Variants in ATG10 observed in about 807,000 individuals in gnomAD.
The protein encoded by ATG10 is autophagy related 10.
A neutral mutation model predicts 32.1 loss-of-function variants in ATG10; 30 were observed. The observed-to-expected ratio is 0.94, with a 90% CI of 0.70 to 1.27. The LOEUF (loss-of-function observed/expected upper bound fraction) is 1.27, where lower values mean the gene tolerates loss of function less well. ATG10 is among the 50% of genes most tolerant of loss of function. ATG10 has a pLI of 0.00. For missense variants in ATG10, 233 were observed against 262.3 expected (o/e 0.89, Z 0.77); for synonymous variants, 87 against 91.5 (o/e 0.95, Z 0.28).
intron 3 of ATG10, among the ~76,000 whole-genome samples, chr5:82,082,389 A>T (rs1764515341): frequency 6.6e-6 from 1 of 152,220 alleles, no homozygotes; most frequent in Non-Finnish European, 1.5e-5. Flanking sequence ...CTACTTTCTT[A>T]TATCTTCAAA....
intron 3 of ATG10, among the ~76,000 whole-genome samples, chr5:82,133,659 T>G (rs1032815283): frequency 2.6e-5 from 4 of 152,176 alleles, no homozygotes; most frequent in African/African-American, 9.6e-5. Flanking sequence ...GGTAGTGTGA[T>G]GCCTCCAGCT....
At chr5:82,188,096 TA>T (rs1464338183) in intron 5 of ATG10, among the ~76,000 whole-genome samples, 3 of 152,262 alleles carry the variant, frequency 2.0e-5, no homozygotes, top group Non-Finnish European at 2.9e-5. Context: ...ATTCCTATTG[TA>T]TTGATTTCTA....
At chr5:82,234,609 C>G (rs1197271090) in intron 5 of ATG10, among the ~76,000 whole-genome samples, 1 of 152,200 alleles carries the variant, frequency 6.6e-6, no homozygotes, top group East Asian at 1.9e-4. Flanking sequence ...AAATCAGGGA[C>G]TTTGAAATCA....
intron 2 of ATG10, among the ~76,000 whole-genome samples, chr5:81,988,869 A>T (rs1192920853): frequency 6.6e-6 from 1 of 151,464 alleles, no homozygotes; most frequent in Non-Finnish European, 1.5e-5. Context: ...TTGCTTTGTC[A>T]CCCAGGCTGG....
intron 3 of ATG10, among the ~76,000 whole-genome samples, chr5:82,069,449 A>C (rs535040316): frequency 6.6e-6 from 1 of 152,326 alleles, no homozygotes; most frequent in South Asian, 2.1e-4. Context: ...CTTTATTAAA[A>C]ATGCAGATGA....
chr5:82,252,340 A>G (rs1747286619), intron 5 of ATG10, among the ~76,000 whole-genome samples: 1 of 152,238 alleles, frequency 6.6e-6, no homozygotes, highest in Non-Finnish European at 1.5e-5. Flanking sequence ...GTGCCCTGCT[A>G]TACTCGACCA....
chr5:82,029,002 T>G (rs1762670821), intron 2 of ATG10, among the ~76,000 whole-genome samples: 1 of 152,218 alleles, frequency 6.6e-6, no homozygotes, highest in South Asian at 2.1e-4. Flanking sequence ...GAGCAACATT[T>G]GTATACGTAA....
intron 1 of ATG10, among the ~76,000 whole-genome samples, chr5:81,979,725 T>C (rs1760981023): frequency 6.6e-6 from 1 of 151,930 alleles, no homozygotes; most frequent in Non-Finnish European, 1.5e-5. Context: ...CTTTTTTTCT[T>C]TCTAGTCTTT....
intron 4 of ATG10, among the ~76,000 whole-genome samples, chr5:82,171,164 A>C (rs977783928): frequency 6.6e-6 from 1 of 152,074 alleles, no homozygotes; most frequent in Non-Finnish European, 1.5e-5. Context: ...TAAGTGATTC[A>C]CTTAATTTAA....
At chr5:82,218,501 T>C (rs1373888768) in intron 5 of ATG10, among the ~76,000 whole-genome samples, 1 of 152,162 alleles carries the variant, frequency 6.6e-6, no homozygotes, top group African/African-American at 2.4e-5. Flanking sequence ...GTGGTGGAGA[T>C]AGACCCATCA....
chr5:82,003,969 A>G (rs1386447352), intron 2 of ATG10, among the ~76,000 whole-genome samples: 2 of 152,134 alleles, frequency 1.3e-5, no homozygotes, highest in African/African-American at 4.8e-5. Context: ...GTGAAATCCC[A>G]TCTCTACTCA....
At chr5:82,251,189 C>T (rs192941423) in intron 5 of ATG10, among the ~76,000 whole-genome samples, 1 of 152,312 alleles carries the variant, frequency 6.6e-6, no homozygotes, top group East Asian at 1.9e-4. Context: ...GGAATTGTCC[C>T]TTCCAGTTCT....
At chr5:82,215,718 C>T (rs1367109514) in intron 5 of ATG10, among the ~76,000 whole-genome samples, 2 of 151,894 alleles carry the variant, frequency 1.3e-5, no homozygotes, top group Non-Finnish European at 2.9e-5. Flanking sequence ...GGTGGATCAC[C>T]TGAGGTCGGG....
rs142743183 is a variant in ATG10, at chr5:82,104,526, C to G, written c.216+45924C>G. On this transcript the variant is annotated intron_variant, in intron 3 of 7. Transcript: ENST00000282185. ...CTAATTTGTTTTTCTGAACACTATT[C>G]AAACAACTGATTTAACATCCGATTT... Among the ~76,000 whole-genome samples the G allele has an allele frequency of 9.0e-4, 136 of 151,950 alleles. 1 individual carries two copies. In the East Asian group the frequency reaches 0.022, roughly 24 times the overall value.
chr5:82,114,988 T>C lies in ATG10; in HGVS notation c.217-49411T>C, dbSNP rs566540433. On this transcript the variant is annotated intron_variant, in intron 3 of 7. Coordinates refer to ENST00000282185, the MANE Select transcript of ATG10 (RefSeq NM_031482.5). ...GACTGAGAAACTGAATATTTAATGTTATTCAGTTTTAATTAATGTAAATTT... is the reference window on the plus strand; with the variant it reads ...GACTGAGAAACTGAATATTTAATGTCATTCAGTTTTAATTAATGTAAATTT... 3.9e-5 allele frequency among the ~76,000 whole-genome samples: 6 copies of C among 152,226 alleles called. No individual in the cohort carries two copies. The South Asian group carries it at 1.2e-3, about 32-fold the overall frequency.
At chr5:82,017,648 C>G (rs1266508477) in intron 2 of ATG10, among the ~76,000 whole-genome samples, 1 of 152,052 alleles carries the variant, frequency 6.6e-6, no homozygotes, top group Non-Finnish European at 1.5e-5. Context: ...TTAACAAAAA[C>G]TATTTGTTTT....
intron 3 of ATG10, among the ~76,000 whole-genome samples, chr5:82,122,693 G>A (rs1356555653): frequency 6.6e-6 from 1 of 152,142 alleles, no homozygotes; most frequent in Non-Finnish European, 1.5e-5. Flanking sequence ...TAAAAAGTGG[G>A]CAAAGGACAT....
chr5:82,105,497 A>G (rs1347603360), intron 3 of ATG10, among the ~76,000 whole-genome samples: 4 of 152,142 alleles, frequency 2.6e-5, no homozygotes, highest in Admixed American at 6.6e-5. Flanking sequence ...ATGTAACTGT[A>G]TATTTCAGTG....
At chr5:82,033,181 A>G (rs918919129) in intron 2 of ATG10, among the ~76,000 whole-genome samples, 1 of 152,186 alleles carries the variant, frequency 6.6e-6, no homozygotes, top group African/African-American at 2.4e-5. Flanking sequence ...ATTTGCTATT[A>G]CAAAAGATAA....
Sources: allele counts gnomAD v4.1 joint callset (sites outside exome capture counted in the v4.1 genomes callset), GRCh38; gene constraint gnomAD v4.1.1; transcripts MANE v1.5; gene names NCBI Gene and HGNC (gene_info 2026-07-23, HGNC 2026-07-21).